Variants in TENM1 observed in about 807,000 individuals in gnomAD.
TENM1 encodes teneurin transmembrane protein 1.
TENM1 carries 35 observed loss-of-function variants against 174.8 expected under a neutral mutation model. That is an observed-to-expected ratio of 0.20 (90% CI 0.15 to 0.27). The LOEUF (loss-of-function observed/expected upper bound fraction) is 0.27, where lower values mean the gene tolerates loss of function less well. TENM1 is among the 10% of genes least tolerant of loss of function. TENM1 has a pLI of 1.00. For missense variants in TENM1, 1,633 were observed against 2,130.1 expected (o/e 0.77, Z 4.59); for synonymous variants, 781 against 798.7 (o/e 0.98, Z 0.37).
At chrX:124,439,062 T>A (rs1370695135) in intron 23 of TENM1, among the ~76,000 whole-genome samples, 1 of 111,657 alleles carries the variant, frequency 9.0e-6, no homozygotes, top group Admixed American at 9.5e-5. Flanking sequence ...ATTAGTTAGA[T>A]GAAAAAATTC....
In TENM1 at chrX:124,611,671, G is replaced by A. The variant is rs140238644; in HGVS notation, c.2077+30120C>T. 3.3e-3 allele frequency among the ~76,000 whole-genome samples: 367 copies of A among 111,632 alleles called. 1 individual carries two copies. The highest frequency in any genetic ancestry group is 0.011 in the African/African-American group (348 of 30,772). ...ATCATGAGATAAAATAGAAGCTAAAGTGGGAACAGATCACAGAATGATCCA... is the reference window on the plus strand; with the variant it reads ...ATCATGAGATAAAATAGAAGCTAAAATGGGAACAGATCACAGAATGATCCA... On this transcript the variant is annotated intron_variant, in intron 11 of 31. Transcript: ENST00000422452.
the TENM1 span, among the ~76,000 whole-genome samples, chrX:125,155,888 C>T: frequency 8.9e-6 from 1 of 112,555 alleles, no homozygotes; most frequent in Admixed American, 9.3e-5. Flanking sequence ...TGGCCTCGGC[C>T]AGCCCAGGAA....
intron 23 of TENM1, among the ~76,000 whole-genome samples, chrX:124,443,042 CTATGTGTGTGTGTGTG>C (rs1244285677): frequency 1.1e-3 from 45 of 42,168 alleles, no homozygotes; most frequent in South Asian, 3.0e-3. Flanking sequence ...GCCTGGATGA[CTATGTGTGTGTGTGTG>C]TGTGTGTGTG....
chrX:124,766,137 A>G (rs1179075332), intron 3 of TENM1, among the ~76,000 whole-genome samples: 1 of 111,527 alleles, frequency 9.0e-6, no homozygotes, highest in Non-Finnish European at 1.9e-5. Flanking sequence ...TTCCCATTTT[A>G]TATATCAAAA....
At position 124,729,846 on chromosome X, in the gene TENM1, T is replaced by C. The variant is rs190746405; in HGVS notation, c.776+7111A>G. 2.0e-3 allele frequency among the ~76,000 whole-genome samples: 220 copies of C among 111,770 alleles called. 3 individuals carry two copies. The highest frequency in any genetic ancestry group is 6.9e-3 in the African/African-American group (213 of 30,755). ...GTTCTGATGATTTGGAACATGGTGG[T>C]GAAAGAGTATATTCTATTTATTTAT... On this transcript the variant is annotated intron_variant, in intron 4 of 31. Coordinates refer to ENST00000422452, the Ensembl canonical transcript of TENM1.
chrX:124,855,498 C>A (rs750363334), intron 3 of TENM1, among the ~76,000 whole-genome samples: 1 of 111,106 alleles, frequency 9.0e-6, no homozygotes, highest in African/African-American at 3.3e-5. Flanking sequence ...ATTAACCAGG[C>A]TGGAAACATA....
chrX:124,382,146 T>C (rs955472251), intron 31 of TENM1, among the ~76,000 whole-genome samples: 5 of 111,932 alleles, frequency 4.5e-5, no homozygotes, highest in Non-Finnish European at 9.4e-5. Flanking sequence ...TCTGGTGATA[T>C]CATCTGCTGA....
At chrX:124,596,895 T>C (rs939985594) in intron 11 of TENM1, among the ~76,000 whole-genome samples, 5 of 111,161 alleles carry the variant, frequency 4.5e-5, no homozygotes, top group Admixed American at 1.9e-4. Context: ...AGAGGATATA[T>C]AAGTGGCCAA....
chrX:124,940,847 C>G (rs1343160231), intron 1 of TENM1, among the ~76,000 whole-genome samples: 1 of 111,451 alleles, frequency 9.0e-6, no homozygotes, highest in East Asian at 2.8e-4. Context: ...GGACCTTGCT[C>G]CATCAGATAC....
intron 1 of TENM1, among the ~76,000 whole-genome samples, chrX:124,912,277 G>A (rs1163547050): frequency 1.8e-5 from 2 of 111,583 alleles, no homozygotes; most frequent in African/African-American, 6.5e-5. Context: ...CATGTCAATG[G>A]CTTCTCTGTA....
chrX:124,739,568 A>T lies in TENM1; in HGVS notation c.536-2371T>A, dbSNP rs138661575. Among the ~76,000 whole-genome samples, 806 of 111,868 alleles carry T rather than the reference A, an allele frequency of 7.2e-3. 6 individuals are homozygous for T. Among genetic ancestry groups the T allele is most frequent in the African/African-American group, 0.025 (767 of 30,798 alleles). On this transcript the variant is annotated intron_variant, in intron 3 of 31. Transcript: ENST00000422452. ...AAACTCTCCCCCACCCCCATGGGTTATGTTATCTGAAATCCCAGTACTCTG... is the reference window on the plus strand; with the variant it reads ...AAACTCTCCCCCACCCCCATGGGTTTTGTTATCTGAAATCCCAGTACTCTG...
the TENM1 span, among the ~76,000 whole-genome samples, chrX:125,153,374 A>G: frequency 8.9e-6 from 1 of 112,373 alleles, no homozygotes; most frequent in South Asian, 3.7e-4. Flanking sequence ...AAACAAAAAC[A>G]AAAACAAAAA....
At chrX:124,753,340 T>C (rs1358884037) in intron 3 of TENM1, among the ~76,000 whole-genome samples, 10 of 107,548 alleles carry the variant, frequency 9.3e-5, no homozygotes, top group African/African-American at 3.4e-4. Context: ...ATTGATTTTG[T>C]ATCCTGAGAC....
intron 5 of TENM1, among the ~76,000 whole-genome samples, chrX:124,689,253 A>T (rs1245892144): frequency 1.8e-5 from 2 of 112,089 alleles, no homozygotes; most frequent in African/African-American, 6.5e-5. Context: ...TGGATTTTTT[A>T]AAAAATATTT....
At chrX:124,690,853 T>A (rs769814629) in intron 5 of TENM1, among the ~76,000 whole-genome samples, 1 of 110,675 alleles carries the variant, frequency 9.0e-6, no homozygotes, top group Non-Finnish European at 1.9e-5. Context: ...ATGCAGATCC[T>A]GTGCTATGCT....
chrX:124,994,112 A>G, the TENM1 span, among the ~76,000 whole-genome samples: 1 of 110,162 alleles, frequency 9.1e-6, no homozygotes, highest in Non-Finnish European at 1.9e-5. Flanking sequence ...TACTGTAATC[A>G]TAATACATAT....
At chrX:124,946,479 G>T (rs1322976063) in intron 1 of TENM1, among the ~76,000 whole-genome samples, 2 of 111,490 alleles carry the variant, frequency 1.8e-5, no homozygotes, top group Middle Eastern at 4.6e-3. Context: ...TGGATTCTCA[G>T]GCTGTCTGAT....
chrX:125,010,271 T>C, the TENM1 span, among the ~76,000 whole-genome samples: 826 of 110,113 alleles, frequency 7.5e-3, 5 homozygotes, highest in African/African-American at 0.026. Flanking sequence ...TGAACTCCCA[T>C]TCACAACTGC....
At position 124,952,916 on chromosome X, in the gene TENM1, G is replaced by T. The variant is rs929404079; in HGVS notation, c.217+10621C>A. Among the ~76,000 whole-genome samples, 13 of 111,815 alleles carry T rather than the reference G, an allele frequency of 1.2e-4. No homozygotes were observed. In the Admixed American group the frequency reaches 1.2e-3, roughly 11 times the overall value. On this transcript the variant is annotated intron_variant, in intron 1 of 31. Transcript: ENST00000422452. ...CTCAGTTTATACTGGTGGGACAGAA[G>T]AATTCTCATCTTTTGGTATAAATGC...
Sources: gnomAD v4.1 joint callset for allele counts (sites outside exome capture counted in the v4.1 genomes callset) on GRCh38, gnomAD v4.1.1 for gene constraint, MANE v1.5 for transcripts, NCBI Gene and HGNC (gene_info 2026-07-23, HGNC 2026-07-21) for gene names.